Variants in ENOX1 observed in about 807,000 individuals in gnomAD.
ENOX1 encodes candidate growth-related and time keeping constitutive hydroquinone (NADH) oxidase.
Under a neutral mutation model 82.5 loss-of-function variants are expected in ENOX1, and 42 were observed. That is an observed-to-expected ratio of 0.51 (90% CI 0.40 to 0.66). The LOEUF (loss-of-function observed/expected upper bound fraction) is 0.66. Ranked by LOEUF, ENOX1 falls within the 30% of genes least tolerant of loss-of-function variation. The pLI, the probability that ENOX1 is intolerant of heterozygous loss-of-function variation, is 0.00. For synonymous variants in ENOX1, 271 were observed against 282.2 expected (o/e 0.96, Z 0.40); for missense variants, 608 against 811.6 (o/e 0.75, Z 3.05).
chr13:43,542,581 AC>A (rs1357906613), intron 2 of ENOX1, among the ~76,000 whole-genome samples: 1 of 151,918 alleles, frequency 6.6e-6, no homozygotes, highest in African/African-American at 2.4e-5. Context: ...GATTACAGGC[AC>A]CTGCCACCAC....
At chr13:43,430,577 C>T (rs1384802355) in intron 3 of ENOX1, among the ~76,000 whole-genome samples, 1 of 152,098 alleles carries the variant, frequency 6.6e-6, no homozygotes, top group Non-Finnish European at 1.5e-5. Flanking sequence ...GAGACTCATA[C>T]TTATGTGACA....
chr13:43,605,164 C>T (rs1424383503), intron 2 of ENOX1, among the ~76,000 whole-genome samples: 5 of 151,756 alleles, frequency 3.3e-5, no homozygotes, highest in Admixed American at 2.6e-4. Context: ...TTGAAGAGAA[C>T]ACAAAAAATG....
chr13:43,253,055 C>T (rs1160695113), intron 14 of ENOX1, among the ~76,000 whole-genome samples: 2 of 152,168 alleles, frequency 1.3e-5, no homozygotes. Flanking sequence ...TTTTTTGCTT[C>T]CAATTCAAGA....
chr13:43,672,109 C>T (rs938454124), intron 1 of ENOX1, among the ~76,000 whole-genome samples: 2 of 152,078 alleles, frequency 1.3e-5, no homozygotes, highest in African/African-American at 4.8e-5. Context: ...ATAGAGAGAG[C>T]GAGCTTCCTG....
intron 2 of ENOX1, among the ~76,000 whole-genome samples, chr13:43,515,220 C>A (rs2077516275): frequency 6.6e-6 from 1 of 152,140 alleles, no homozygotes; most frequent in Admixed American, 6.6e-5. Flanking sequence ...CTCAAAAATT[C>A]TCAGACTGTA....
intron 11 of ENOX1, among the ~76,000 whole-genome samples, chr13:43,309,748 G>C (rs1019772488): frequency 3.9e-5 from 6 of 152,162 alleles, no homozygotes; most frequent in Non-Finnish European, 7.3e-5. Context: ...CCCTGGGAAA[G>C]AGTTGTTCAG....
At chr13:43,270,138 C>T (rs1342940143) in intron 12 of ENOX1, among the ~76,000 whole-genome samples, 1 of 152,200 alleles carries the variant, frequency 6.6e-6, no homozygotes, top group Non-Finnish European at 1.5e-5. Context: ...ATGGCCTACA[C>T]TGCTATTTTT....
chr13:43,664,804 G>A (rs1054777081), intron 2 of ENOX1, among the ~76,000 whole-genome samples: 2 of 152,156 alleles, frequency 1.3e-5, no homozygotes, highest in Non-Finnish European at 2.9e-5. Flanking sequence ...CATCACACAT[G>A]CCATAAATAT....
chr13:43,466,514 TAGAA>T (rs1035755577), intron 3 of ENOX1, among the ~76,000 whole-genome samples: 3 of 152,062 alleles, frequency 2.0e-5, no homozygotes, highest in African/African-American at 7.2e-5. Flanking sequence ...CTACAAAAAA[TAGAA>T]AGGAACAAAA....
chr13:43,602,647 C>A (rs193102362), intron 2 of ENOX1, among the ~76,000 whole-genome samples: 29 of 152,058 alleles, frequency 1.9e-4, no homozygotes, highest in African/African-American at 6.7e-4. Context: ...ATATAAAAGC[C>A]TTAAAATGTA....
At chr13:43,757,152 T>C (rs895199005) in intron 1 of ENOX1, among the ~76,000 whole-genome samples, 2 of 152,114 alleles carry the variant, frequency 1.3e-5, no homozygotes, top group Non-Finnish European at 1.5e-5. Context: ...TGGGAGATAA[T>C]TATACGAGAG....
In ENOX1 at chr13:43,361,355, G is replaced by A; in HGVS notation, c.306C>T (p.Pro102=). 6.2e-7 allele frequency: 1 copy of A among 1,614,004 alleles called. No individual in the cohort carries two copies. The highest frequency in any genetic ancestry group is 8.5e-7 in the Non-Finnish European group (1 of 1,179,932). The change falls in exon 6 of 17, where the codon CCC becomes CCT. Residue 102 remains proline (P), a synonymous_variant. Coordinates refer to ENST00000690772, the MANE Select transcript of ENOX1 (RefSeq NM_001347969.2). ...PMIPGLGLVP[P]PPPTEVAVVK... Reference sequence around the variant, plus strand: ...CAACAGCCACTTCTGTTGGTGGTGGGGGAGGTACCAGTCCAAGGCCTGGTA... The same window carrying A: ...CAACAGCCACTTCTGTTGGTGGTGGAGGAGGTACCAGTCCAAGGCCTGGTA...
At chr13:43,785,207 A>C (rs950523907) in intron 1 of ENOX1, among the ~76,000 whole-genome samples, 1 of 152,260 alleles carries the variant, frequency 6.6e-6, no homozygotes, top group African/African-American at 2.4e-5. Context: ...AAACAAAAGC[A>C]GAGTGTGTTA....
chr13:43,324,503 C>T (rs1425227881), intron 10 of ENOX1, among the ~76,000 whole-genome samples: 1 of 152,146 alleles, frequency 6.6e-6, no homozygotes, highest in South Asian at 2.1e-4. Context: ...AGCCAATTAT[C>T]AAGCTTATAC....
At chr13:43,408,349 A>C (rs1056244002) in intron 5 of ENOX1, among the ~76,000 whole-genome samples, 4 of 152,266 alleles carry the variant, frequency 2.6e-5, no homozygotes, top group African/African-American at 9.6e-5. Context: ...GTGTCAGTTT[A>C]ATTTCAACAA....
intron 5 of ENOX1, among the ~76,000 whole-genome samples, chr13:43,369,270 C>T (rs2051056410): frequency 6.6e-6 from 1 of 152,122 alleles, no homozygotes; most frequent in Non-Finnish European, 1.5e-5. Flanking sequence ...AACTAAAATC[C>T]ACCTTTTCTG....
chr13:43,389,757 T>C (rs1238832581), intron 5 of ENOX1, among the ~76,000 whole-genome samples: 5 of 152,120 alleles, frequency 3.3e-5, no homozygotes, highest in Non-Finnish European at 4.4e-5. Flanking sequence ...ATGCAACTGG[T>C]TGGAATTTCA....
At chr13:43,412,776 G>A (rs933345965) in intron 4 of ENOX1, 69 bp downstream of exon 4, 4 of 1,584,726 alleles carry the variant, frequency 2.5e-6, no homozygotes, top group African/African-American at 1.4e-5. Flanking sequence ...TTTTCAAGGT[G>A]GGGCAAGCTT....
intron 16 of ENOX1, among the ~76,000 whole-genome samples, chr13:43,219,836 C>T (rs1027471551): frequency 2.0e-5 from 3 of 152,242 alleles, no homozygotes; most frequent in African/African-American, 7.2e-5. Context: ...CAAGGGAAGC[C>T]TGGTGAAGAG....
Sources: gnomAD v4.1 joint callset for allele counts (sites outside exome capture counted in the v4.1 genomes callset) on GRCh38, gnomAD v4.1.1 for gene constraint, MANE v1.5 for transcripts, NCBI Gene and HGNC (gene_info 2026-07-23, HGNC 2026-07-21) for gene names.